LPAR3: variants seen among roughly 807,000 people sequenced by gnomAD.
LPAR3 encodes the protein LPA receptor 3.
LPAR3 carries 7 observed loss-of-function variants against 17.8 expected under a neutral mutation model. The observed-to-expected ratio is 0.39, with a 90% CI of 0.22 to 0.74. LPAR3 has a LOEUF of 0.74. LPAR3 is among the 30% of genes least tolerant of loss of function. LPAR3 has a pLI of 0.40. For missense variants in LPAR3, 391 were observed against 453.4 expected (o/e 0.86, Z 1.25); for synonymous variants, 179 against 179.9 (o/e 0.99, Z 0.04).
At chr1:84,851,956 T>C (rs571623212) in intron 2 of LPAR3, among the ~76,000 whole-genome samples, 1 of 151,356 alleles carries the variant, frequency 6.6e-6, no homozygotes, top group East Asian at 1.9e-4. Flanking sequence ...GAGGAGGGAA[T>C]CCAGACGGAG....
At chr1:84,888,483 G>C (rs2102775881) in intron 1 of LPAR3, among the ~76,000 whole-genome samples, 2 of 152,202 alleles carry the variant, frequency 1.3e-5, no homozygotes, top group Middle Eastern at 6.8e-3. Context: ...TCTTAACTCT[G>C]GCTTTCTACC....
Position 84,885,163 on chromosome 1 carries a change from A to G in LPAR3, c.-19+7853T>C, listed in dbSNP as rs372057958. ...TGGCATCTACCGGGCAGAGGCCAGG[A>G]ATGCTGCTGCACACGCTACAATGCA... On this transcript the variant is annotated intron_variant, in intron 1 of 2. Transcript: ENST00000370611. 4.6e-5 allele frequency among the ~76,000 whole-genome samples: 7 copies of G among 152,304 alleles called. 1 individual carries two copies. Among genetic ancestry groups the G allele is most frequent in the Admixed American group, 2.0e-4 (3 of 15,298 alleles).
chr1:84,892,322 T>C (rs1372599872), intron 1 of LPAR3, among the ~76,000 whole-genome samples: 1 of 152,194 alleles, frequency 6.6e-6, no homozygotes, highest in Non-Finnish European at 1.5e-5. Context: ...GACTAAATTG[T>C]TTCCAATATT....
intron 2 of LPAR3, among the ~76,000 whole-genome samples, chr1:84,863,911 TA>T (rs1419995188): frequency 6.6e-6 from 1 of 152,068 alleles, no homozygotes; most frequent in Admixed American, 6.6e-5. Flanking sequence ...GTAAATCCTT[TA>T]AAAAATATCT....
At chr1:84,847,164 G>A (rs1309416132) in intron 2 of LPAR3, among the ~76,000 whole-genome samples, 1 of 152,156 alleles carries the variant, frequency 6.6e-6, no homozygotes, top group Non-Finnish European at 1.5e-5. Flanking sequence ...GGCTCAATGT[G>A]TCACTACCTC....
At chr1:84,826,924 T>G (rs1659167157) in intron 2 of LPAR3, among the ~76,000 whole-genome samples, 1 of 152,180 alleles carries the variant, frequency 6.6e-6, no homozygotes, top group African/African-American at 2.4e-5. Context: ...ACAAATACCT[T>G]TGCATGCACT....
intron 2 of LPAR3, among the ~76,000 whole-genome samples, chr1:84,832,234 C>T (rs1053545522): frequency 6.6e-6 from 1 of 152,172 alleles, no homozygotes; most frequent in Non-Finnish European, 1.5e-5. Flanking sequence ...CAGGCCCCCT[C>T]CCCATCTAGG....
At chr1:84,848,134 GGCCACAGCCT>G (rs1472799785) in intron 2 of LPAR3, among the ~76,000 whole-genome samples, 3 of 152,166 alleles carry the variant, frequency 2.0e-5, no homozygotes, top group Non-Finnish European at 2.9e-5. Flanking sequence ...CAACAAGCCT[GGCCACAGCCT>G]GCCAGTCACC....
At chr1:84,832,344 T>A (rs1659301679) in intron 2 of LPAR3, among the ~76,000 whole-genome samples, 1 of 152,192 alleles carries the variant, frequency 6.6e-6, no homozygotes, top group South Asian at 2.1e-4. Context: ...GTCAAGATGG[T>A]TTGAAAGACA....
intron 1 of LPAR3, among the ~76,000 whole-genome samples, chr1:84,867,168 G>T (rs890098040): frequency 1.5e-4 from 23 of 152,372 alleles, no homozygotes; most frequent in African/African-American, 5.3e-4. Flanking sequence ...GGCCAAGGAA[G>T]GGCTGGGCAG....
intron 2 of LPAR3, among the ~76,000 whole-genome samples, chr1:84,859,830 C>T (rs1659903226): frequency 6.6e-6 from 1 of 152,176 alleles, no homozygotes; most frequent in Non-Finnish European, 1.5e-5. Context: ...CAAAGTCCAG[C>T]CCATTTTCTG....
intron 1 of LPAR3, among the ~76,000 whole-genome samples, chr1:84,881,642 C>A (rs1660366245): frequency 6.6e-6 from 1 of 152,116 alleles, no homozygotes; most frequent in African/African-American, 2.4e-5. Context: ...GAAAGAATGT[C>A]CCCCTGCCTG....
At chr1:84,824,801 T>G (rs1288628373) in intron 2 of LPAR3, among the ~76,000 whole-genome samples, 1 of 152,194 alleles carries the variant, frequency 6.6e-6, no homozygotes, top group Non-Finnish European at 1.5e-5. Context: ...TGCCCACACA[T>G]GTGTGCGCAC....
intron 1 of LPAR3, among the ~76,000 whole-genome samples, chr1:84,888,007 G>A (rs1660490355): frequency 6.6e-6 from 1 of 151,974 alleles, no homozygotes; most frequent in Admixed American, 6.5e-5. Context: ...TTTGATGGGT[G>A]TACGCTGGTT....
At chr1:84,817,895 G>T (rs2102744025) in intron 2 of LPAR3, among the ~76,000 whole-genome samples, 1 of 152,224 alleles carries the variant, frequency 6.6e-6, no homozygotes, top group South Asian at 2.1e-4. Flanking sequence ...ACTACGGAGG[G>T]GCCCTTGAAG....
chr1:84,867,215 G>T (rs1473077747), intron 1 of LPAR3, among the ~76,000 whole-genome samples: 3 of 152,210 alleles, frequency 2.0e-5, no homozygotes, highest in African/African-American at 7.2e-5. Flanking sequence ...CACGTGGTGG[G>T]GAAAACCAAG....
chr1:84,828,403 T>C (rs529303418), intron 2 of LPAR3, among the ~76,000 whole-genome samples: 2 of 152,320 alleles, frequency 1.3e-5, no homozygotes, highest in South Asian at 4.1e-4. Context: ...ATATCTAACT[T>C]TTCCCTAAGC....
intron 1 of LPAR3, among the ~76,000 whole-genome samples, chr1:84,880,021 T>C (rs1005855570): frequency 5.9e-5 from 9 of 152,352 alleles, no homozygotes; most frequent in Non-Finnish European, 1.3e-4. Context: ...GATCACTATA[T>C]AGTACATGTA....
chr1:84,819,559 AT>A (rs1286308575), intron 2 of LPAR3, among the ~76,000 whole-genome samples: 4 of 152,338 alleles, frequency 2.6e-5, no homozygotes, highest in Admixed American at 1.3e-4. Flanking sequence ...AAGCAAAATT[AT>A]AGATGCCATA....
Sources: gnomAD v4.1 joint callset for allele counts (sites outside exome capture counted in the v4.1 genomes callset) on GRCh38, gnomAD v4.1.1 for gene constraint, MANE v1.5 for transcripts, NCBI Gene and HGNC (gene_info 2026-07-23, HGNC 2026-07-21) for gene names.